Variants in HOXB4 observed in about 807,000 individuals in gnomAD.
The protein encoded by HOXB4 is homeobox protein Hox-B4.
Under a neutral mutation model 20.0 loss-of-function variants are expected in HOXB4, and 13 were observed. The observed-to-expected ratio is 0.65, with a 90% CI of 0.42 to 1.03. The LOEUF (loss-of-function observed/expected upper bound fraction) is 1.03, where lower values mean the gene tolerates loss of function less well. Ranked by LOEUF, HOXB4 falls within the 50% of genes least tolerant of loss-of-function variation. The probability of loss-of-function intolerance (pLI) is 0.00; values close to 1 mark genes in which losing one functional copy is unlikely to be tolerated. For missense variants in HOXB4, 343 were observed against 357.1 expected, an observed-to-expected ratio of 0.96 and a Z score of 0.32; for synonymous variants, 173 against 148.9, an observed-to-expected ratio of 1.16 and a Z score of -1.18.
chr17:48,577,786 C>T lies in HOXB4; in HGVS notation c.457+77G>A, dbSNP rs531321233. On this transcript the variant is annotated intron_variant, in intron 1 of 1. Coordinates refer to ENST00000332503, the MANE Select transcript of HOXB4 (RefSeq NM_024015.5). Reference sequence around the variant, plus strand: ...AATTGGCTTCCCCAGCTCAACCCCCCCCCAACCCATGCCTCCGAAGTCCCT... The same window carrying T: ...AATTGGCTTCCCCAGCTCAACCCCCTCCCAACCCATGCCTCCGAAGTCCCT... 4,489 of 1,262,416 alleles carry T rather than the reference C, an allele frequency of 3.6e-3. 12 individuals carry two copies. The highest frequency in any genetic ancestry group is 4.2e-3 in the Non-Finnish European group (4,180 of 989,362). 78.2% of individuals were successfully genotyped at this position (1,262,416 alleles called of 1,614,324 possible). A position where few individuals can be genotyped will look rare whatever the true frequency, so the allele number is the denominator to read the frequency against.
chr17:48,576,650 T>TGCCCCCCCC lies in HOXB4; in HGVS notation c.*71_*72insGGGGGGGGC. The stretch of plus-strand genomic sequence containing the variant: ...GCCCAGGCCCCAGGGCCCCCTCCTG[T>TGCCCCCCCC]CCCCCCACCCCATCCCCTGCACTCA... On this transcript the variant is annotated 3_prime_UTR_variant, in exon 2 of 2. Coordinates refer to ENST00000332503, the MANE Select transcript of HOXB4 (RefSeq NM_024015.5). The TGCCCCCCCC allele has an allele frequency of 1.8e-6, 1 of 567,770 alleles. No individual in the cohort carries two copies. The highest frequency in any genetic ancestry group is 2.6e-6 in the Non-Finnish European group (1 of 383,214). The allele number at this position is 567,770 out of a possible 1,614,324, so 35.2% of individuals were successfully genotyped here.
chr17:48,576,643 C>G lies in HOXB4; in HGVS notation c.*79G>C. 1 of 1,148,616 alleles carries G rather than the reference C, an allele frequency of 8.7e-7. No individual in the cohort carries two copies. Among genetic ancestry groups the G allele is most frequent in the Non-Finnish European group, 1.2e-6 (1 of 856,378 alleles). 71.2% of individuals were successfully genotyped at this position (1,148,616 alleles called of 1,614,324 possible). On this transcript the variant is annotated 3_prime_UTR_variant, in exon 2 of 2. Transcript: ENST00000332503. The stretch of plus-strand genomic sequence containing the variant: ...TTCCGGGGCCCAGGCCCCAGGGCCC[C>G]CTCCTGTCCCCCCACCCCATCCCCT...
At position 48,578,169 on chromosome 17, in the gene HOXB4, C is replaced by G. The variant is rs2069833133; in HGVS notation, c.151G>C (p.Glu51Gln). 4 of 1,608,988 alleles carry G rather than the reference C, an allele frequency of 2.5e-6. No individual in the cohort carries two copies. The highest frequency in any genetic ancestry group is 2.5e-6 in the Non-Finnish European group (3 of 1,177,432). Reference sequence around the variant, plus strand: ...GCCGCGCGCCGCCCGAAGCCCGCCTCCGGCTGGAAGCTGCTCTCTCGCCTC... The same window carrying G: ...GCCGCGCGCCGCCCGAAGCCCGCCTGCGGCTGGAAGCTGCTCTCTCGCCTC... The part of the protein sequence containing the change: ...GQRRESSFQP[E>Q]AGFGRRAACT... The change falls in exon 1 of 2, where the codon GAG becomes CAG. Residue 51 changes from glutamate to glutamine, a missense_variant. Coordinates refer to ENST00000332503, the MANE Select transcript of HOXB4 (RefSeq NM_024015.5).
rs1291972524 is a variant in HOXB4, at chr17:48,575,678, G to A, written c.*1044C>T. The A allele has an allele frequency of 6.6e-6, 1 of 151,676 alleles. No individual in the cohort carries two copies. Among genetic ancestry groups the A allele is most frequent in the Non-Finnish European group, 1.5e-5 (1 of 67,968 alleles). The allele number at this position is 151,676 out of a possible 1,614,324, so 9.4% of individuals were successfully genotyped here. On this transcript the variant is annotated 3_prime_UTR_variant, in exon 2 of 2. Coordinates refer to ENST00000332503, the MANE Select transcript of HOXB4 (RefSeq NM_024015.5). ...AGGACTCACATGACACAAAAAAATA[G>A]TAATAATAATATTATCAATAATAAT...
chr17:48,578,144 G>A lies in HOXB4; in HGVS notation c.176C>T (p.Ala59Val), dbSNP rs764975932. 2 of 1,570,832 alleles carry A rather than the reference G, an allele frequency of 1.3e-6. No individual in the cohort carries two copies. Among genetic ancestry groups the A allele is most frequent in the South Asian group, 2.3e-5 (2 of 87,888 alleles). Residue 59 changes from alanine to valine, a missense_variant, in exon 1 of 2, where the codon GCG (alanine) becomes GTG (valine). Physicochemically the swap from Ala to Val is moderately conservative, Grantham distance 64. Transcript: ENST00000332503. ...QPEAGFGRRAACTVQRYAACR... is the reference protein window; with the variant it reads ...QPEAGFGRRAVCTVQRYAACR... ...GGCCGCGTAGCGCTGCACGGTGCAC[G>A]CCGCGCGCCGCCCGAAGCCCGCCTC...
In HOXB4 at chr17:48,578,243, C is replaced by T. The variant is rs761232191; in HGVS notation, c.77G>A (p.Ser26Asn). 8 of 1,614,078 alleles carry T rather than the reference C, an allele frequency of 5.0e-6. No individual in the cohort carries two copies. The Admixed American group carries it at 6.7e-5, about 13-fold the overall frequency. Residue 26 changes from serine to asparagine, a missense_variant, in exon 1 of 2, where the codon AGC becomes AAC. Coordinates refer to ENST00000332503, the MANE Select transcript of HOXB4 (RefSeq NM_024015.5). Reference protein sequence around the residue: ...KFPPCEEYSQSDYLPSDHSPG... With the variant: ...KFPPCEEYSQNDYLPSDHSPG... ...CGAGTGGTCGCTGGGTAGGTAATCGCTCTGTGAATATTCCTCGCATGGAGG... is the reference window on the plus strand; with the variant it reads ...CGAGTGGTCGCTGGGTAGGTAATCGTTCTGTGAATATTCCTCGCATGGAGG...
chr17:48,578,274 T>G lies in HOXB4; in HGVS notation c.46A>C (p.Lys16Gln). The change falls in exon 1 of 2, where the codon AAG becomes CAG. Residue 16 changes from lysine to glutamine, a missense_variant. Lys to Gln is a moderately conservative substitution (Grantham distance 53, BLOSUM62 1). Transcript: ENST00000332503. ...GAATATTCCTCGCATGGAGGGAACTTGGGGTCGACATAGTTTGAGTTGATC... is the reference window on the plus strand; with the variant it reads ...GAATATTCCTCGCATGGAGGGAACTGGGGGTCGACATAGTTTGAGTTGATC... Reference protein sequence around the residue: ...FLINSNYVDPKFPPCEEYSQS... With the variant: ...FLINSNYVDPQFPPCEEYSQS... The G allele has an allele frequency of 6.2e-7, 1 of 1,613,750 alleles. No homozygotes were observed. The highest frequency in any genetic ancestry group is 8.5e-7 in the Non-Finnish European group (1 of 1,179,816).
At chr17:48,577,554 C>T (rs1306688119) in intron 1 of HOXB4, among the ~76,000 whole-genome samples, 1 of 152,220 alleles carries the variant, frequency 6.6e-6, no homozygotes, top group Non-Finnish European at 1.5e-5. Context: ...CCTCCTCCAC[C>T]TCCTCCACCC....
In HOXB4 at chr17:48,576,800, G is replaced by C; in HGVS notation, c.678C>G (p.Thr226=). The change falls in exon 2 of 2, where the codon ACC becomes ACG. Residue 226 remains threonine, a synonymous_variant. Transcript: ENST00000332503. ...KWKKDHKLPN[T]KIRSGGAAGS... ...CTGCCGCACCACCCGAGCGGATCTT[G>C]GTGTTGGGCAACTTGTGGTCTTTTT... The C allele has an allele frequency of 6.2e-7, 1 of 1,614,230 alleles. No homozygotes were observed. The highest frequency in any genetic ancestry group is 8.5e-7 in the Non-Finnish European group (1 of 1,180,036).
chr17:48,576,599 G>T lies in HOXB4; in HGVS notation c.*123C>A. ...TGCGTTTATTCGTATATAAAGTGTG[G>T]GGGAGGGCAGATAGATTTTTCCGGG... On this transcript the variant is annotated 3_prime_UTR_variant, in exon 2 of 2. Coordinates refer to ENST00000332503, the MANE Select transcript of HOXB4 (RefSeq NM_024015.5). 1 of 783,426 alleles carries T rather than the reference G, an allele frequency of 1.3e-6. No individual in the cohort carries two copies. The highest frequency in any genetic ancestry group is 2.0e-6 in the Non-Finnish European group (1 of 505,560). The allele number at this position is 783,426 out of a possible 1,614,324, so 48.5% of individuals were successfully genotyped here.
rs2069821356 is a variant in HOXB4 at position 48,577,957 on chromosome 17, G to A, written c.363C>T (p.Pro121=). 3.0e-6 allele frequency: 4 copies of A among 1,318,710 alleles called. No individual in the cohort carries two copies. The highest frequency in any genetic ancestry group is 1.5e-5 in the African/African-American group (1 of 66,528). 81.7% of individuals were successfully genotyped at this position (1,318,710 alleles called of 1,614,324 possible). Residue 121 remains proline (P), a synonymous_variant, in exon 1 of 2, where the codon CCC becomes CCT. Transcript: ENST00000332503. ...EAVSSSPPPP[P]CAQNPLHPSP... ...TGGGGTGCAGGGGGTTCTGGGCGCAGGGAGGCGGCGGGGGGCTGCTGCTGA... is the reference window on the plus strand; with the variant it reads ...TGGGGTGCAGGGGGTTCTGGGCGCAAGGAGGCGGCGGGGGGCTGCTGCTGA...
chr17:48,578,218 C>A lies in HOXB4; in HGVS notation c.102G>T (p.Ser34=), dbSNP rs1158746502. 3 of 1,613,820 alleles carry A rather than the reference C, an allele frequency of 1.9e-6. No homozygotes were observed. Among genetic ancestry groups the A allele is most frequent in the Non-Finnish European group, 2.5e-6 (3 of 1,179,896 alleles). Residue 34 remains serine (S), a synonymous_variant, in exon 1 of 2, where the codon TCG becomes TCT. Coordinates refer to ENST00000332503, the MANE Select transcript of HOXB4 (RefSeq NM_024015.5). ...TCTGGCCGCCGGCGTAGTACCCGGG[C>A]GAGTGGTCGCTGGGTAGGTAATCGC... is the stretch of plus-strand genomic sequence containing the variant. The part of the protein sequence containing the change: ...SQSDYLPSDH[S]PGYYAGGQRR...
In HOXB4 at chr17:48,578,136, C is replaced by A. The variant is rs776508741; in HGVS notation, c.184G>T (p.Val62Leu). Residue 62 changes from valine to leucine, a missense_variant, in exon 1 of 2, where the codon GTG (valine) becomes TTG (leucine). This residue lies in a region of HOXB4 where 241 missense variants were observed against 222.0 expected (regional missense o/e 1.09). Coordinates refer to ENST00000332503, the MANE Select transcript of HOXB4 (RefSeq NM_024015.5). ...AGFGRRAACT[V>L]QRYAACRDPG... ...TCCCGGCAGGCCGCGTAGCGCTGCA[C>A]GGTGCACGCCGCGCGCCGCCCGAAG... The A allele has an allele frequency of 6.5e-7, 1 of 1,547,124 alleles. No homozygotes were observed. Among genetic ancestry groups the A allele is most frequent in the South Asian group, 1.2e-5 (1 of 86,576 alleles).
chr17:48,576,737 G>C lies in HOXB4; in HGVS notation c.741C>G (p.Gly247=), dbSNP rs1360220826. The change falls in exon 2 of 2, where the codon GGC becomes GGG. Residue 247 remains glycine, a synonymous_variant. Transcript: ENST00000332503. The part of the protein sequence containing the change: ...AGGPPGRPNG[G]PRAL ...TGCGGGGGCACTAGAGCGCGCGGGG[G>C]CCTCCATTGGGCCGGCCAGGGGGCC... 1.2e-6 allele frequency: 2 copies of C among 1,609,294 alleles called. No homozygotes were observed. The highest frequency in any genetic ancestry group is 2.7e-5 in the African/African-American group (2 of 74,894).
intron 1 of HOXB4, 142 bp downstream of exon 1, chr17:48,577,721 G>T: frequency 1.4e-6 from 1 of 714,548 alleles, no homozygotes; most frequent in Non-Finnish European, 1.9e-6. Flanking sequence ...GAAAACAGGC[G>T]ACCGTAAATC....
Position 48,576,561 on chromosome 17 carries a change from C to T in HOXB4, c.*161G>A, listed in dbSNP as rs915234860. On this transcript the variant is annotated 3_prime_UTR_variant, in exon 2 of 2. Coordinates refer to ENST00000332503, the MANE Select transcript of HOXB4 (RefSeq NM_024015.5). ...TGTCATTTCTATAAATAAAGCTTCCCCTCCCCCTCTTCTGCGTTTATTCGT... is the reference window on the plus strand; with the variant it reads ...TGTCATTTCTATAAATAAAGCTTCCTCTCCCCCTCTTCTGCGTTTATTCGT... The T allele has an allele frequency of 2.7e-5, 15 of 548,896 alleles. No homozygotes were observed. The highest frequency in any genetic ancestry group is 4.2e-5 in the Non-Finnish European group (14 of 332,772). 34.0% of individuals were successfully genotyped at this position (548,896 alleles called of 1,614,324 possible).
chr17:48,578,223 G>A lies in HOXB4; in HGVS notation c.97C>T (p.His33Tyr), dbSNP rs745627779. 19 of 1,613,980 alleles carry A rather than the reference G, an allele frequency of 1.2e-5. No homozygotes were observed. In the South Asian group the frequency reaches 1.6e-4, roughly 14 times the overall value. The change falls in exon 1 of 2, where the codon CAC becomes TAC. Residue 33 changes from histidine (H) to tyrosine (Y), a missense_variant. Coordinates refer to ENST00000332503, the MANE Select transcript of HOXB4 (RefSeq NM_024015.5). ...YSQSDYLPSD[H>Y]SPGYYAGGQR... is the part of the protein sequence containing the mutation. ...CCGCCGGCGTAGTACCCGGGCGAGT[G>A]GTCGCTGGGTAGGTAATCGCTCTGT...
In HOXB4 at chr17:48,578,046, G is replaced by T; in HGVS notation, c.274C>A (p.Arg92=). Residue 92 remains arginine (R), a synonymous_variant, in exon 1 of 2, where the codon CGG becomes AGG. Coordinates refer to ENST00000332503, the MANE Select transcript of HOXB4 (RefSeq NM_024015.5). The part of the protein sequence containing the change: ...PPPPPPGLSP[R]APAPPPAGAL... ...CCGGCGGGTGGCGGCGCAGGAGCCC[G>T]AGGGGACAGACCGGGCGGTGGCGGG... 8.1e-7 allele frequency: 1 copy of T among 1,235,576 alleles called. No individual in the cohort carries two copies. The highest frequency in any genetic ancestry group is 1.0e-6 in the Non-Finnish European group (1 of 984,182). 76.5% of individuals were successfully genotyped at this position (1,235,576 alleles called of 1,614,324 possible).
intron 1 of HOXB4, 38 bp downstream of exon 1, chr17:48,577,825 C>T (rs1394206333): frequency 3.6e-6 from 5 of 1,379,768 alleles, no homozygotes; most frequent in Non-Finnish European, 3.8e-6. Context: ...GTGTAAAGCT[C>T]CAGGGGTGGG....
Sources: allele counts gnomAD v4.1 joint callset (sites outside exome capture counted in the v4.1 genomes callset), GRCh38; gene constraint gnomAD v4.1.1; regional missense constraint gnomAD v4.1.1; transcripts MANE v1.5; gene names NCBI Gene and HGNC (gene_info 2026-07-23, HGNC 2026-07-21).